BLOC1S3: variants seen among roughly 807,000 people sequenced by gnomAD.
BLOC1S3 encodes biogenesis of lysosomal organelles complex 1 subunit 3.
In BLOC1S3, 7 loss-of-function variants were observed where a neutral mutation model predicts 9.1. That is an observed-to-expected ratio of 0.77 (90% CI 0.44 to 1.45). BLOC1S3 has a LOEUF of 1.45. Among genes scored for constraint, BLOC1S3 ranks in the 40% most tolerant of loss-of-function variants. The probability of loss-of-function intolerance (pLI) is 0.01; values close to 1 mark genes in which losing one functional copy is unlikely to be tolerated. For missense variants in BLOC1S3, 307 were observed against 315.2 expected (o/e 0.97, Z 0.20); for synonymous variants, 145 against 158.4 (o/e 0.92, Z 0.64).
intron 2 of BLOC1S3, among the ~76,000 whole-genome samples, chr19:45,197,023 G>T (rs572052220): frequency 6.6e-6 from 1 of 152,162 alleles, no homozygotes; most frequent in South Asian, 2.1e-4. Context: ...AGGGGCCCAC[G>T]GGGTTTCCTG....
intron 2 of BLOC1S3, chr19:45,187,751 C>G (rs537309831): frequency 6.6e-6 from 1 of 152,294 alleles, no homozygotes; most frequent in Non-Finnish European, 1.5e-5. Context: ...GTAAAGTCCT[C>G]ACTTGGGTAC....
chr19:45,180,009 C>T lies in BLOC1S3; in HGVS notation c.*104C>T. On this transcript the variant is annotated 3_prime_UTR_variant, in exon 2 of 2. Transcript: ENST00000433642. ...TCTCTTATCACCCCCCACCCCCGCT[C>T]CCATCTTGGTGTCACCCATGGGGGC... The T allele has an allele frequency of 7.2e-7, 1 of 1,379,690 alleles. No homozygotes were observed. Among genetic ancestry groups the T allele is most frequent in the Non-Finnish European group, 9.9e-7 (1 of 1,011,976 alleles). 85.5% of individuals were successfully genotyped at this position (1,379,690 alleles called of 1,614,324 possible). A position where few individuals can be genotyped will look rare whatever the true frequency, so the allele number is the denominator to read the frequency against.
intron 2 of BLOC1S3, among the ~76,000 whole-genome samples, chr19:45,189,427 C>CT (rs35692205): frequency 0.013 from 1,738 of 138,702 alleles, 31 homozygotes; most frequent in African/African-American, 0.04. Flanking sequence ...AGGTAGTCTT[C>CT]TTTTTTTTTT....
downstream of BLOC1S3, among the ~76,000 whole-genome samples, chr19:45,186,292 T>C (rs1969565156): frequency 6.6e-6 from 1 of 152,146 alleles, no homozygotes; most frequent in African/African-American, 2.4e-5. Context: ...TTATTGGACT[T>C]CTGTTGTCAC....
intron 2 of BLOC1S3, among the ~76,000 whole-genome samples, chr19:45,191,632 C>G (rs1007153157): frequency 2.0e-5 from 3 of 152,246 alleles, no homozygotes; most frequent in Admixed American, 6.5e-5. Context: ...GCAGCTGTAT[C>G]TGCATCAGGG....
intron 3 of BLOC1S3, among the ~76,000 whole-genome samples, chr19:45,213,594 C>T (rs1315564998): frequency 6.6e-6 from 1 of 152,086 alleles, no homozygotes; most frequent in Non-Finnish European, 1.5e-5. Flanking sequence ...TTACAACCAA[C>T]CCCAGAACCA....
At chr19:45,206,462 T>TGTTTGTTTTTTTTG (rs1555754631) in intron 3 of BLOC1S3, among the ~76,000 whole-genome samples, 1 of 115,446 alleles carries the variant, frequency 8.7e-6, no homozygotes, top group Non-Finnish European at 1.8e-5. Flanking sequence ...TTTTTTTTTT[T>TGTTTGTTTTTTTTG]TTTTTTTTTT....
At position 45,180,693 on chromosome 19, in the gene BLOC1S3, C is replaced by T. The variant is rs1969508345; in HGVS notation, c.*788C>T. 6.0e-6 allele frequency: 1 copy of T among 167,202 alleles called. No homozygotes were observed. The allele number at this position is 167,202 out of a possible 1,614,324, so 10.4% of individuals were successfully genotyped here. A position where few individuals can be genotyped will look rare whatever the true frequency, so the allele number is the denominator to read the frequency against. On this transcript the variant is annotated 3_prime_UTR_variant, in exon 2 of 2. Transcript: ENST00000433642. ...CAGTTGGCTACGCCTCCCATCCTAGCTCCACTTCCAGAACTGCCTTCACCC... is the reference window on the plus strand; with the variant it reads ...CAGTTGGCTACGCCTCCCATCCTAGTTCCACTTCCAGAACTGCCTTCACCC...
chr19:45,200,856 A>G (rs1447281393), intron 2 of BLOC1S3, among the ~76,000 whole-genome samples: 2 of 152,218 alleles, frequency 1.3e-5, no homozygotes, highest in Non-Finnish European at 2.9e-5. Flanking sequence ...CTGCAGCTGT[A>G]TCTGCATTAG....
chr19:45,179,210 G>A lies in BLOC1S3; in HGVS notation c.-9-78G>A. The stretch of plus-strand genomic sequence containing the variant: ...AGTCGTTAAGAGAATCAGCGAAGGG[G>A]CTGGGAATCCAGGACCTGCGCCTTT... On this transcript the variant is annotated intron_variant, in intron 1 of 1. Coordinates refer to ENST00000433642, the MANE Select transcript of BLOC1S3 (RefSeq NM_212550.5). This position sits in a 1 kb window ranked among gnomAD's most constrained non-coding sequence, Gnocchi z 4.6. 11 of 1,392,248 alleles carry A rather than the reference G, an allele frequency of 7.9e-6. No individual in the cohort carries two copies. Among genetic ancestry groups the A allele is most frequent in the Non-Finnish European group, 1.0e-5 (11 of 1,071,982 alleles). The allele number at this position is 1,392,248 out of a possible 1,614,324, so 86.2% of individuals were successfully genotyped here.
chr19:45,213,289 A>G (rs1274679996), intron 3 of BLOC1S3: 1 of 1,613,850 alleles, frequency 6.2e-7, no homozygotes, highest in South Asian at 1.1e-5. Flanking sequence ...GGCCACGGCC[A>G]GGATCTCCTG....
downstream of BLOC1S3, among the ~76,000 whole-genome samples, chr19:45,181,989 G>A (rs1216927566): frequency 2.0e-5 from 3 of 152,110 alleles, no homozygotes; most frequent in Admixed American, 1.3e-4. Flanking sequence ...CAACACACAC[G>A]TTTTGGGTAC....
chr19:45,202,832 T>A (rs1969701267), intron 3 of BLOC1S3, among the ~76,000 whole-genome samples: 2 of 151,998 alleles, frequency 1.3e-5, no homozygotes, highest in South Asian at 4.1e-4. Context: ...TGATGTTTAT[T>A]CAAGGCCCAA....
chr19:45,179,559 A>G lies in BLOC1S3; in HGVS notation c.263A>G (p.Glu88Gly). The G allele has an allele frequency of 1.3e-6, 2 of 1,518,020 alleles. No individual in the cohort carries two copies. Among genetic ancestry groups the G allele is most frequent in the Non-Finnish European group, 1.8e-6 (2 of 1,140,402 alleles). The allele number at this position is 1,518,020 out of a possible 1,614,324, so 94.0% of individuals were successfully genotyped here. ...RDLPPLVVQR[E>G]SAEEAWGTEE... ...CTGCCTCCACTCGTGGTGCAGCGGG[A>G]ATCGGCGGAGGAGGCCTGGGGCACG... The change falls in exon 2 of 2, where the codon GAA becomes GGA. Residue 88 changes from glutamate (E) to glycine (G), a missense_variant. By Grantham distance (98) the Glu-to-Gly change is moderately conservative. Coordinates refer to ENST00000433642, the MANE Select transcript of BLOC1S3 (RefSeq NM_212550.5). The surrounding 1 kb of genome is among the most constrained non-coding windows in gnomAD (Gnocchi z 4.6).
At chr19:45,216,274 C>G (rs1969834118) in intron 3 of BLOC1S3, 2 of 1,543,056 alleles carry the variant, frequency 1.3e-6, no homozygotes, top group East Asian at 4.6e-5. Flanking sequence ...CTTGTTATAC[C>G]ATCTCTAAAA....
Position 45,207,252 on chromosome 19 carries a change from C to G in BLOC1S3, n.282+4745C>G, listed in dbSNP as rs549690959. Among the ~76,000 whole-genome samples, 167 of 151,992 alleles carry G rather than the reference C, an allele frequency of 1.1e-3. 1 individual carries two copies. Among genetic ancestry groups the G allele is most frequent in the African/African-American group, 3.2e-3 (133 of 41,464 alleles). On this transcript the variant is annotated intron_variant and non_coding_transcript_variant, in intron 3 of 3. Coordinates refer to the BLOC1S3 transcript ENST00000591569. The stretch of plus-strand genomic sequence containing the variant: ...GGTTCAAGTGATTTTCCTGCCTCAG[C>G]CTCCTGAGTAGCTGGGACTACAGGT...
At chr19:45,211,482 G>T (rs1969770081) in intron 3 of BLOC1S3, among the ~76,000 whole-genome samples, 1 of 149,606 alleles carries the variant, frequency 6.7e-6, no homozygotes, top group Non-Finnish European at 1.5e-5. Flanking sequence ...TTGCACTCTA[G>T]CCTGGGCGAC....
chr19:45,204,708 A>G (rs1484586694), intron 3 of BLOC1S3, among the ~76,000 whole-genome samples: 1 of 152,034 alleles, frequency 6.6e-6, no homozygotes, highest in Non-Finnish European at 1.5e-5. Context: ...GCTTCTGCAT[A>G]GCATGGCAGT....
intron 3 of BLOC1S3, among the ~76,000 whole-genome samples, chr19:45,216,387 TG>T (rs1363914827): frequency 4.6e-5 from 7 of 152,044 alleles, no homozygotes; most frequent in African/African-American, 1.7e-4. Flanking sequence ...GAGACCAACC[TG>T]GCCAGTATGG....
Sources: allele counts gnomAD v4.1 joint callset (sites outside exome capture counted in the v4.1 genomes callset), GRCh38; gene constraint gnomAD v4.1.1; non-coding constraint Gnocchi (gnomAD v3.1); transcripts MANE v1.5; gene names NCBI Gene and HGNC (gene_info 2026-07-23, HGNC 2026-07-21).